The following SIN3A variants were observed in gnomAD, a reference collection of about 807,000 sequenced individuals.
SIN3A encodes the protein SIN3 transcription regulator family member A, also known as paired amphipathic helix protein Sin3a.
SIN3A carries 14 observed loss-of-function variants against 146.1 expected under a neutral mutation model. That is an observed-to-expected ratio of 0.10 (90% CI 0.06 to 0.15). SIN3A has a LOEUF of 0.15. Among genes scored for constraint, SIN3A ranks in the 10% least tolerant of loss-of-function variants. The probability of loss-of-function intolerance (pLI) is 1.00; values close to 1 mark genes in which losing one functional copy is unlikely to be tolerated. For synonymous variants in SIN3A, 572 were observed against 572.0 expected, an observed-to-expected ratio of 1.00 and a Z score of 0.00; for missense variants, 1,028 against 1,576.0, an observed-to-expected ratio of 0.65 and a Z score of 5.89.
chr15:75,420,375 ATTTC>A (rs1229150739), intron 3 of SIN3A: 3 of 151,794 alleles, frequency 2.0e-5, no homozygotes, highest in Admixed American at 2.0e-4. Context: ...CTCACTGAAC[ATTTC>A]TTTTTTTTTG....
chr15:75,387,433 T>C (rs1257880100), intron 16 of SIN3A, among the ~76,000 whole-genome samples: 2 of 147,156 alleles, frequency 1.4e-5, no homozygotes, highest in African/African-American at 5.1e-5. Flanking sequence ...AGGTAGGAGG[T>C]CAAGGCTACA....
chr15:75,434,704 T>C (rs1428579376), intron 1 of SIN3A, among the ~76,000 whole-genome samples: 1 of 149,842 alleles, frequency 6.7e-6, no homozygotes, highest in Non-Finnish European at 1.5e-5. Context: ...ATCCTAACAC[T>C]TTGGTTCGCC....
At chr15:75,452,214 C>T (rs1692098299), upstream of SIN3A, among the ~76,000 whole-genome samples, 1 of 152,248 alleles carries the variant, frequency 6.6e-6, no homozygotes, top group Admixed American at 6.5e-5. Flanking sequence ...TATCTTGGCG[C>T]TGGTAGGACC....
intron 1 of SIN3A, among the ~76,000 whole-genome samples, chr15:75,437,311 A>G (rs1025326223): frequency 6.6e-6 from 1 of 151,924 alleles, no homozygotes; most frequent in African/African-American, 2.4e-5. Flanking sequence ...TAGCTGGGAC[A>G]TAGGCAGCGC....
In SIN3A at chr15:75,392,389, G is replaced by A; in HGVS notation, c.2704C>T (p.Leu902Phe). 1 of 1,614,240 alleles carries A rather than the reference G, an allele frequency of 6.2e-7. No individual in the cohort carries two copies. The highest frequency in any genetic ancestry group is 8.5e-7 in the Non-Finnish European group (1 of 1,180,048). ...CAAATCCGTAGCAGCCTCAGGCAGAGAATCTGGTGCAGTCGCATAAAAATA... is the reference window on the plus strand; with the variant it reads ...CAAATCCGTAGCAGCCTCAGGCAGAAAATCTGGTGCAGTCGCATAAAAATA... ...WYIFMRLHQI[L>F]CLRLLRICSQ... is the part of the protein sequence containing the mutation. The change falls in exon 15 of 21, where the codon CTC becomes TTC. Residue 902 changes from leucine (L) to phenylalanine (F), a missense_variant. Coordinates refer to ENST00000394947, the MANE Select transcript of SIN3A (RefSeq NM_001145358.2).
At chr15:75,380,853 T>A (rs2141383680) in intron 18 of SIN3A, 130 bp from the exon 19 acceptor site, 3 of 663,344 alleles carry the variant, frequency 4.5e-6, no homozygotes, top group Non-Finnish European at 8.1e-6. Context: ...AAAAGTCCCT[T>A]TCTATAAAGA....
intron 4 of SIN3A, among the ~76,000 whole-genome samples, chr15:75,413,731 T>C (rs962667230): frequency 2.6e-5 from 4 of 152,110 alleles, no homozygotes; most frequent in Non-Finnish European, 5.9e-5. Flanking sequence ...GGTCAAAATT[T>C]TTAACAGAAT....
chr15:75,429,122 TCA>T lies in SIN3A; in HGVS notation c.189+1063_189+1064del, dbSNP rs1480534797. Among the ~76,000 whole-genome samples, 5 of 152,014 alleles carry T rather than the reference TCA, an allele frequency of 3.3e-5. No individual in the cohort carries two copies. The East Asian group carries it at 9.6e-4, about 29-fold the overall frequency. On this transcript the variant is annotated intron_variant, in intron 2 of 20. Transcript: ENST00000394947. ...TATTTGTATTTAAGTTTTAGGGGAG[TCA>T]AAAATTATACATTGGCCAGACGCAG... is the stretch of plus-strand genomic sequence containing the variant.
intron 3 of SIN3A, chr15:75,416,083 T>C (rs1201839213): frequency 4.2e-6 from 1 of 239,712 alleles, no homozygotes; most frequent in Non-Finnish European, 8.6e-6. Flanking sequence ...TATAAAGTTA[T>C]GAAGTTTGTA....
intron 19 of SIN3A, 123 bp from the exon 20 acceptor site, chr15:75,375,995 C>T (rs2141369525): frequency 1.1e-6 from 1 of 926,176 alleles, no homozygotes; most frequent in Non-Finnish European, 1.7e-6. Context: ...TAAATACATA[C>T]ACAAATGTTC....
At chr15:75,405,905 C>T (rs2073503410) in intron 9 of SIN3A, among the ~76,000 whole-genome samples, 1 of 152,136 alleles carries the variant, frequency 6.6e-6, no homozygotes, top group South Asian at 2.1e-4. Context: ...ATCTAGACTT[C>T]CACACTTGTC....
At chr15:75,418,794 GC>G (rs1328191071) in intron 3 of SIN3A, among the ~76,000 whole-genome samples, 1 of 149,836 alleles carries the variant, frequency 6.7e-6, no homozygotes, top group African/African-American at 2.5e-5. Context: ...TCGCTCTATC[GC>G]CCAGGCTGGA....
intron 16 of SIN3A, 61 bp downstream of exon 16, chr15:75,389,591 T>G: frequency 6.5e-7 from 1 of 1,547,382 alleles, no homozygotes; most frequent in Non-Finnish European, 8.9e-7. Context: ...TTTCCTTGCG[T>G]GGCCCATCTC....
intron 4 of SIN3A, among the ~76,000 whole-genome samples, chr15:75,413,979 C>A (rs559711897): frequency 3.3e-5 from 5 of 151,966 alleles, no homozygotes; most frequent in African/African-American, 9.6e-5. Flanking sequence ...CTGATTGAGA[C>A]AAAACACTGG....
intron 19 of SIN3A, among the ~76,000 whole-genome samples, chr15:75,379,138 ATC>A (rs2072919026): frequency 6.6e-6 from 1 of 152,128 alleles, no homozygotes; most frequent in Non-Finnish European, 1.5e-5. Flanking sequence ...TGATCTCGTG[ATC>A]CACAGCCTCG....
chr15:75,382,821 G>A (rs566957106), intron 17 of SIN3A, among the ~76,000 whole-genome samples: 25 of 151,922 alleles, frequency 1.6e-4, no homozygotes, highest in African/African-American at 6.0e-4. Context: ...AGTGGCTCAT[G>A]CCTGTAATCC....
At chr15:75,403,706 A>C in intron 9 of SIN3A, among the ~76,000 whole-genome samples, 1 of 151,722 alleles carries the variant, frequency 6.6e-6, no homozygotes, top group East Asian at 2.0e-4. Flanking sequence ...ACGCCCAGCT[A>C]ATGTTTTTTT....
intron 9 of SIN3A, among the ~76,000 whole-genome samples, chr15:75,403,537 CTCTT>C (rs1182772389): frequency 6.6e-6 from 1 of 151,374 alleles, no homozygotes; most frequent in Non-Finnish European, 1.5e-5. Flanking sequence ...TTTTTGTTGC[CTCTT>C]TTTCTTTTTT....
intron 1 of SIN3A, among the ~76,000 whole-genome samples, chr15:75,435,551 A>G (rs1180689034): frequency 2.0e-5 from 3 of 152,104 alleles, no homozygotes; most frequent in African/African-American, 7.2e-5. Context: ...CACAAATATT[A>G]GCTGGGCGTG....
Sources: allele counts gnomAD v4.1 joint callset (sites outside exome capture counted in the v4.1 genomes callset), GRCh38; gene constraint gnomAD v4.1.1; transcripts MANE v1.5; gene names NCBI Gene and HGNC (gene_info 2026-07-23, HGNC 2026-07-21).